Variants in SYNDIG1L observed in about 807,000 individuals in gnomAD.
SYNDIG1L encodes the protein synapse differentiation-inducing gene protein 1-like.
SYNDIG1L carries 13 observed loss-of-function variants against 20.1 expected under a neutral mutation model. The observed-to-expected ratio is 0.65, with a 90% confidence interval of 0.42 to 1.03. SYNDIG1L has a LOEUF of 1.03. SYNDIG1L is among the 50% of genes least tolerant of loss of function. The probability of loss-of-function intolerance (pLI) is 0.00; values close to 1 mark genes in which losing one functional copy is unlikely to be tolerated. For synonymous variants in SYNDIG1L, 128 were observed against 129.3 expected, an observed-to-expected ratio of 0.99 and a Z score of 0.07; for missense variants, 294 against 305.1, an observed-to-expected ratio of 0.96 and a Z score of 0.27.
the SYNDIG1L span, chr14:74,480,140 A>G: frequency 6.3e-7 from 1 of 1,590,394 alleles, no homozygotes; most frequent in Non-Finnish European, 8.5e-7. Context: ...TTTCTGCTAC[A>G]GAGCACCTCC....
chr14:74,461,912 T>C, the SYNDIG1L span, among the ~76,000 whole-genome samples: 4 of 36,750 alleles, frequency 1.1e-4, no homozygotes, highest in Non-Finnish European at 2.3e-4. Flanking sequence ...CGAAACCCTA[T>C]CTCAACAAAA....
the SYNDIG1L span, among the ~76,000 whole-genome samples, chr14:74,461,290 C>T: frequency 6.6e-6 from 1 of 152,146 alleles, no homozygotes; most frequent in African/African-American, 2.4e-5. Context: ...TTTTCTGTTT[C>T]CTGAGCTCGC....
At chr14:74,437,337 C>T in the SYNDIG1L span, among the ~76,000 whole-genome samples, 9 of 152,272 alleles carry the variant, frequency 5.9e-5, no homozygotes, top group East Asian at 3.9e-4. Flanking sequence ...AATGATAAAT[C>T]GATCATGAAC....
the SYNDIG1L span, among the ~76,000 whole-genome samples, chr14:74,441,569 C>T: frequency 1.3e-5 from 2 of 152,068 alleles, no homozygotes; most frequent in South Asian, 2.1e-4. Context: ...GCAGTGGCAC[C>T]TTTTTAGCTC....
the SYNDIG1L span, among the ~76,000 whole-genome samples, chr14:74,452,733 A>C: frequency 6.6e-6 from 1 of 152,226 alleles, no homozygotes; most frequent in Non-Finnish European, 1.5e-5. Context: ...TACATTCTTA[A>C]GTATTTACCC....
rs570623700 is a variant in SYNDIG1L at position 74,407,784 on chromosome 14, G to A, written c.558+65C>T. On this transcript the variant is annotated intron_variant, in intron 3 of 3. Transcript: ENST00000331628. ...AGGCCCCTGACCCCATCCTGCAGAC[G>A]GGATGCCAAGCCCTCCAGTAGAGTG... The A allele has an allele frequency of 7.0e-6, 11 of 1,578,236 alleles. No homozygotes were observed. In the East Asian group the frequency reaches 1.8e-4, roughly 26 times the overall value.
chr14:74,457,611 C>G, the SYNDIG1L span, among the ~76,000 whole-genome samples: 325 of 151,792 alleles, frequency 2.1e-3, no homozygotes, highest in African/African-American at 7.3e-3. Context: ...TTCCTATTCC[C>G]TTTTTATCCA....
intron 1 of SYNDIG1L, among the ~76,000 whole-genome samples, chr14:74,411,545 G>T (rs182583792): frequency 1.3e-3 from 204 of 152,324 alleles, no homozygotes; most frequent in Non-Finnish European, 2.4e-3. Flanking sequence ...TTCTTCTTCT[G>T]CCCCAAGAGA....
In SYNDIG1L at chr14:74,409,480, T is replaced by C; in HGVS notation, c.265A>G (p.Thr89Ala). 6.2e-7 allele frequency: 1 copy of C among 1,613,212 alleles called. No individual in the cohort carries two copies. Among genetic ancestry groups the C allele is most frequent in the Non-Finnish European group, 8.5e-7 (1 of 1,179,618 alleles). ...GGCTCCCTGTCCTCTGTGAAGCTTG[T>C]CTCACAGCTGCCTGCCCTGGGCTCC... ...VKEPRAGSCE[T>A]SFTEDREPQE... Residue 89 changes from threonine to alanine, a missense_variant, in exon 2 of 4, where the codon ACA becomes GCA. Thr to Ala is a moderately conservative substitution (Grantham distance 58). Coordinates refer to ENST00000331628, the MANE Select transcript of SYNDIG1L (RefSeq NM_001105579.2).
chr14:74,415,270 C>T (rs911758770), intron 1 of SYNDIG1L, among the ~76,000 whole-genome samples: 7 of 152,306 alleles, frequency 4.6e-5, no homozygotes, highest in Middle Eastern at 3.4e-3. Flanking sequence ...AGCTGCCCGC[C>T]AGAAGCGAAA....
At chr14:74,444,208 T>A in the SYNDIG1L span, among the ~76,000 whole-genome samples, 1 of 151,868 alleles carries the variant, frequency 6.6e-6, no homozygotes, top group South Asian at 2.1e-4. Context: ...TACAGGCACC[T>A]GCCACCACAC....
chr14:74,411,990 T>C (rs1408564163), intron 1 of SYNDIG1L, among the ~76,000 whole-genome samples: 1 of 152,154 alleles, frequency 6.6e-6, no homozygotes, highest in African/African-American at 2.4e-5. Context: ...GTGAGTTCCA[T>C]ATAGGCTGTC....
the SYNDIG1L span, among the ~76,000 whole-genome samples, chr14:74,477,949 C>T: frequency 2.6e-5 from 4 of 152,224 alleles, no homozygotes; most frequent in Admixed American, 1.3e-4. Context: ...AAACTAATCC[C>T]CCCACGGGAG....
At chr14:74,472,530 G>A in the SYNDIG1L span, among the ~76,000 whole-genome samples, 46,734 of 152,176 alleles carry the variant, frequency 0.31, 7,682 homozygotes, top group South Asian at 0.38. Context: ...AAATGGAAAT[G>A]TTGTCTCTCC....
chr14:74,471,641 C>T, the SYNDIG1L span, among the ~76,000 whole-genome samples: 1 of 151,988 alleles, frequency 6.6e-6, no homozygotes, highest in Non-Finnish European at 1.5e-5. Flanking sequence ...CAAATCCTCA[C>T]AATTTACAGA....
the SYNDIG1L span, among the ~76,000 whole-genome samples, chr14:74,462,722 T>G: frequency 6.6e-6 from 1 of 152,084 alleles, no homozygotes; most frequent in Non-Finnish European, 1.5e-5. Context: ...CCCAGGCTGG[T>G]CTCGAACTCC....
At chr14:74,470,843 G>A in the SYNDIG1L span, among the ~76,000 whole-genome samples, 55 of 152,340 alleles carry the variant, frequency 3.6e-4, no homozygotes, top group African/African-American at 1.1e-3. Flanking sequence ...TCTACTGCCT[G>A]CCTCTGAGAA....
the SYNDIG1L span, among the ~76,000 whole-genome samples, chr14:74,448,486 C>G: frequency 2.6e-5 from 4 of 152,068 alleles, no homozygotes; most frequent in Non-Finnish European, 4.4e-5. Context: ...AGCTTCAAAA[C>G]ACATAAAGGA....
At chr14:74,447,922 G>A in the SYNDIG1L span, among the ~76,000 whole-genome samples, 35 of 152,024 alleles carry the variant, frequency 2.3e-4, no homozygotes, top group Non-Finnish European at 4.4e-4. Context: ...TATGTAAAGT[G>A]GTAAAATATC....
Sources: allele counts gnomAD v4.1 joint callset (sites outside exome capture counted in the v4.1 genomes callset), GRCh38; gene constraint gnomAD v4.1.1; transcripts MANE v1.5; gene names NCBI Gene and HGNC (gene_info 2026-07-23, HGNC 2026-07-21).